KIF26B: variants seen among roughly 807,000 people sequenced by gnomAD.
KIF26B encodes kinesin-like protein KIF26B.
In KIF26B, 63 loss-of-function variants were observed where a neutral mutation model predicts 151.2. The ratio of observed to expected loss-of-function variants is 0.42; its 90% confidence interval spans 0.34 to 0.51. KIF26B has a LOEUF of 0.51. KIF26B is among the 20% of genes least tolerant of loss of function. The pLI is 0.07. For missense variants in KIF26B, 2,813 were observed against 2,913.6 expected (o/e 0.97, Z 0.79); for synonymous variants, 1,357 against 1,262.1 (o/e 1.08, Z -1.59).
intron 3 of KIF26B, among the ~76,000 whole-genome samples, chr1:245,383,008 T>TAC (rs1019164410): frequency 2.4e-4 from 35 of 143,980 alleles, no homozygotes; most frequent in African/African-American, 6.5e-4. Flanking sequence ...TTTATATATA[T>TAC]ACACACACAC....
intron 5 of KIF26B, among the ~76,000 whole-genome samples, chr1:245,594,705 A>G (rs1164776423): frequency 6.6e-6 from 1 of 152,226 alleles, no homozygotes; most frequent in Non-Finnish European, 1.5e-5. Flanking sequence ...TTCTATGAAG[A>G]AAGTCAATGG....
intron 5 of KIF26B, among the ~76,000 whole-genome samples, chr1:245,581,226 C>T (rs1396746473): frequency 6.6e-6 from 1 of 152,158 alleles, no homozygotes; most frequent in African/African-American, 2.4e-5. Context: ...ATACATGGTC[C>T]ACACTCAAGA....
chr1:245,271,714 A>C (rs1229092538), intron 2 of KIF26B, among the ~76,000 whole-genome samples: 2 of 151,876 alleles, frequency 1.3e-5, no homozygotes, highest in Admixed American at 1.3e-4. Context: ...ATCCCACTTG[A>C]CCATAATATA....
intron 5 of KIF26B, among the ~76,000 whole-genome samples, chr1:245,566,677 C>G (rs2043013837): frequency 6.6e-6 from 1 of 152,180 alleles, no homozygotes; most frequent in South Asian, 2.1e-4. Context: ...CACTTGTAAT[C>G]CCAGCACTTT....
intron 2 of KIF26B, among the ~76,000 whole-genome samples, chr1:245,357,768 C>T (rs1425106475): frequency 1.3e-5 from 2 of 152,050 alleles, no homozygotes; most frequent in East Asian, 3.9e-4. Context: ...GAGGCTGGTG[C>T]TGGTGCTCCT....
chr1:245,329,221 T>C (rs80154367), intron 2 of KIF26B, among the ~76,000 whole-genome samples: 1,526 of 152,302 alleles, frequency 0.01, 28 homozygotes, highest in African/African-American at 0.035. Flanking sequence ...TTGGGATCAA[T>C]TATTGTTTGT....
intron 2 of KIF26B, among the ~76,000 whole-genome samples, chr1:245,324,869 C>T (rs373661655): frequency 8.6e-5 from 13 of 152,012 alleles, no homozygotes; most frequent in Admixed American, 2.6e-4. Context: ...TCGAGGTGGG[C>T]GGATTACCTG....
chr1:245,176,279 G>A (rs1051805986), intron 2 of KIF26B, among the ~76,000 whole-genome samples: 1 of 125,374 alleles, frequency 8.0e-6, no homozygotes, highest in Non-Finnish European at 1.7e-5. Flanking sequence ...GATTACAGGC[G>A]TGAGCCTTGT....
At chr1:245,569,426 G>A (rs953768971) in intron 5 of KIF26B, among the ~76,000 whole-genome samples, 18 of 151,960 alleles carry the variant, frequency 1.2e-4, no homozygotes, top group Admixed American at 9.8e-4. Context: ...TGGGCAACAT[G>A]GCAGAAACTT....
intron 2 of KIF26B, among the ~76,000 whole-genome samples, chr1:245,213,915 C>A (rs1669593078): frequency 6.6e-6 from 1 of 152,170 alleles, no homozygotes. Flanking sequence ...CAGTAAGACT[C>A]CCACAGTTCT....
intron 10 of KIF26B, among the ~76,000 whole-genome samples, chr1:245,650,958 G>A (rs1323262606): frequency 6.6e-6 from 1 of 152,146 alleles, no homozygotes; most frequent in Non-Finnish European, 1.5e-5. Context: ...TGTTTGTTGA[G>A]ATCAGTCACT....
At chr1:245,484,783 T>C (rs144734637) in intron 4 of KIF26B, among the ~76,000 whole-genome samples, 262 of 150,534 alleles carry the variant, frequency 1.7e-3, no homozygotes, top group Middle Eastern at 7.0e-3. Context: ...TTATTATTAT[T>C]ATTATTATTA....
intron 2 of KIF26B, among the ~76,000 whole-genome samples, chr1:245,242,133 A>G (rs923200536): frequency 7.9e-5 from 12 of 152,358 alleles, no homozygotes; most frequent in African/African-American, 2.6e-4. Flanking sequence ...AGAGAATAAC[A>G]TAATCCCAGT....
At chr1:245,638,637 CA>C (rs2043858019) in intron 9 of KIF26B, among the ~76,000 whole-genome samples, 1 of 151,764 alleles carries the variant, frequency 6.6e-6, no homozygotes, top group African/African-American at 2.4e-5. Context: ...TAATATATGA[CA>C]CTTATCTTGT....
chr1:245,319,435 G>A (rs546370999), intron 2 of KIF26B, among the ~76,000 whole-genome samples: 3 of 152,254 alleles, frequency 2.0e-5, no homozygotes, highest in African/African-American at 7.2e-5. Context: ...TTGTCACCAA[G>A]TGATTTTGAA....
intron 2 of KIF26B, among the ~76,000 whole-genome samples, chr1:245,276,578 A>T (rs1390942229): frequency 2.6e-5 from 4 of 152,128 alleles, no homozygotes; most frequent in African/African-American, 9.7e-5. Context: ...AAGCCTGGAC[A>T]TTGGACTATG....
intron 10 of KIF26B, among the ~76,000 whole-genome samples, chr1:245,674,467 G>A (rs1429025855): frequency 6.6e-6 from 1 of 152,036 alleles, no homozygotes; most frequent in Non-Finnish European, 1.5e-5. Flanking sequence ...AAGTGCACAG[G>A]GTCTTATTAC....
At chr1:245,446,890 T>G (rs942030655) in intron 4 of KIF26B, among the ~76,000 whole-genome samples, 11 of 152,178 alleles carry the variant, frequency 7.2e-5, no homozygotes, top group African/African-American at 2.7e-4. Flanking sequence ...TTGCTGTGGG[T>G]CCTGAAAGAG....
intron 4 of KIF26B, among the ~76,000 whole-genome samples, chr1:245,423,097 CAAAAAAA>C (rs35659375): frequency 2.6e-5 from 2 of 77,682 alleles, no homozygotes; most frequent in African/African-American, 9.9e-5. Flanking sequence ...GACTCAGTCT[CAAAAAAA>C]AAAAAAAAAA....
Sources: gnomAD v4.1 joint callset for allele counts (sites outside exome capture counted in the v4.1 genomes callset) on GRCh38, gnomAD v4.1.1 for gene constraint, MANE v1.5 for transcripts, NCBI Gene and HGNC (gene_info 2026-07-23, HGNC 2026-07-21) for gene names.